TMC1: variants seen among roughly 807,000 people sequenced by gnomAD.
TMC1 encodes transmembrane channel-like protein 1.
TMC1 carries 84 observed loss-of-function variants against 105.8 expected under a neutral mutation model. That is an observed-to-expected ratio of 0.79 (90% CI 0.67 to 0.95). The LOEUF is 0.95. Ranked by LOEUF, TMC1 falls within the 40% of genes least tolerant of loss-of-function variation. The pLI is 0.00. For missense variants in TMC1, 817 were observed against 914.1 expected, an observed-to-expected ratio of 0.89 and a Z score of 1.37; for synonymous variants, 315 against 311.5, an observed-to-expected ratio of 1.01 and a Z score of -0.12.
intron 18 of TMC1, among the ~76,000 whole-genome samples, chr9:72,807,285 T>G (rs1185923423): frequency 6.6e-6 from 1 of 151,156 alleles, no homozygotes; most frequent in East Asian, 1.9e-4. Flanking sequence ...GGAGAGGGAG[T>G]AATTTTGCGC....
chr9:72,539,911 A>G (rs1285724108), intron 1 of TMC1, among the ~76,000 whole-genome samples: 4 of 152,210 alleles, frequency 2.6e-5, no homozygotes, highest in Non-Finnish European at 5.9e-5. Flanking sequence ...GCATGGTGCC[A>G]GGATTTGCTT....
chr9:72,830,299 G>A, intron 21 of TMC1, 152 bp from the exon 22 acceptor site: 1 of 665,956 alleles, frequency 1.5e-6, no homozygotes, highest in Non-Finnish European at 2.6e-6. Flanking sequence ...CTGGACCTCA[G>A]CTTTTATCTA....
chr9:72,601,191 CACAG>C (rs755906010), intron 2 of TMC1, among the ~76,000 whole-genome samples: 1,871 of 131,810 alleles, frequency 0.014, 34 homozygotes, highest in African/African-American at 0.048. Context: ...CACACACACA[CACAG>C]ACACACACAC....
At chr9:72,733,969 A>C (rs1414068075) in intron 8 of TMC1, among the ~76,000 whole-genome samples, 1 of 152,136 alleles carries the variant, frequency 6.6e-6, no homozygotes, top group Non-Finnish European at 1.5e-5. Context: ...TGGGGGCATT[A>C]TTAAGTAGAA....
chr9:72,559,249 C>G (rs1235344227), intron 1 of TMC1, among the ~76,000 whole-genome samples: 1 of 152,096 alleles, frequency 6.6e-6, no homozygotes, highest in African/African-American at 2.4e-5. Context: ...AGTGCTCCAC[C>G]AGGCCTCACT....
At chr9:72,771,776 G>C (rs565357734) in intron 12 of TMC1, among the ~76,000 whole-genome samples, 1 of 152,160 alleles carries the variant, frequency 6.6e-6, no homozygotes, top group Admixed American at 6.6e-5. Context: ...AGTTATTCAG[G>C]TGGCTTTGAG....
intron 18 of TMC1, among the ~76,000 whole-genome samples, chr9:72,811,959 T>C (rs1273362040): frequency 1.3e-5 from 2 of 152,222 alleles, no homozygotes; most frequent in Non-Finnish European, 2.9e-5. Flanking sequence ...GTTCCTACTT[T>C]ACAGTAAACT....
intron 5 of TMC1, among the ~76,000 whole-genome samples, chr9:72,650,579 G>C (rs779873928): frequency 4.0e-5 from 6 of 151,760 alleles, no homozygotes; most frequent in Non-Finnish European, 8.8e-5. Flanking sequence ...GGTTTGTTGT[G>C]CATATTATTT....
At chr9:72,628,403 T>G (rs1825387528) in intron 4 of TMC1, 1 of 199,008 alleles carries the variant, frequency 5.0e-6, no homozygotes, top group Admixed American at 5.4e-5. Flanking sequence ...GCAAAATGCC[T>G]TTTAGCTTCA....
chr9:72,698,300 A>G (rs1320311212), intron 7 of TMC1, among the ~76,000 whole-genome samples: 1 of 152,222 alleles, frequency 6.6e-6, no homozygotes, highest in Non-Finnish European at 1.5e-5. Flanking sequence ...AAGGGTTAAT[A>G]TGAATTTTTG....
In TMC1 at chr9:72,603,415, A is replaced by ACAC. The variant is rs1554714784; in HGVS notation, c.-305-12952_-305-12950dup. ...CACACACACACACACACACACACACACACACACCACACTCCACACGCACAC... is the reference window on the plus strand; with the variant it reads ...CACACACACACACACACACACACACACACCACACACCACACTCCACACGCACAC... On this transcript the variant is annotated intron_variant, in intron 2 of 23. Transcript: ENST00000297784. Among the ~76,000 whole-genome samples the ACAC allele has an allele frequency of 2.8e-3, 423 of 150,078 alleles. 3 individuals are homozygous for ACAC. The highest frequency in any genetic ancestry group is 7.1e-3 in the South Asian group (34 of 4,756).
At chr9:72,673,813 C>T (rs939580027) in intron 5 of TMC1, among the ~76,000 whole-genome samples, 2 of 152,276 alleles carry the variant, frequency 1.3e-5, no homozygotes, top group African/African-American at 4.8e-5. Context: ...CAAGCTCTGA[C>T]TGTTTCCCTA....
At chr9:72,825,731 T>C (rs983630724) in intron 20 of TMC1, among the ~76,000 whole-genome samples, 2 of 152,210 alleles carry the variant, frequency 1.3e-5, no homozygotes, top group East Asian at 3.9e-4. Flanking sequence ...GTATGAACAA[T>C]TTGGAATGGT....
chr9:72,821,003 T>C lies in TMC1; in HGVS notation c.1925T>C (p.Leu642Pro). 1 of 1,614,184 alleles carries C rather than the reference T, an allele frequency of 6.2e-7. No individual in the cohort carries two copies. Among genetic ancestry groups the C allele is most frequent in the Non-Finnish European group, 8.5e-7 (1 of 1,180,008 alleles). The change falls in exon 20 of 24, where the codon CTC becomes CCC. Residue 642 changes from leucine (L) to proline (P), a missense_variant. Leu to Pro is a moderately conservative substitution (Grantham distance 98, BLOSUM62 -3). Coordinates refer to ENST00000297784, the MANE Select transcript of TMC1 (RefSeq NM_138691.3). ...AACTTCTACCTGGGCATGCTACTGCTCATCCTCTTCCTGTCCACAATGCCT... is the reference window on the plus strand; with the variant it reads ...AACTTCTACCTGGGCATGCTACTGCCCATCCTCTTCCTGTCCACAATGCCT... ...SNNFYLGMLL[L>P]ILFLSTMPVL...
At chr9:72,555,822 CATA>C (rs1823927231) in intron 1 of TMC1, among the ~76,000 whole-genome samples, 1 of 150,734 alleles carries the variant, frequency 6.6e-6, no homozygotes, top group African/African-American at 2.4e-5. Flanking sequence ...GGGGTTTCAC[CATA>C]TTCCCCAGGC....
intron 1 of TMC1, among the ~76,000 whole-genome samples, chr9:72,537,981 C>T (rs996573085): frequency 2.0e-5 from 3 of 151,810 alleles, no homozygotes; most frequent in Admixed American, 6.6e-5. Context: ...CATGATGAGA[C>T]CCTGTCTTTC....
Position 72,726,513 on chromosome 9 carries a change from G to A in TMC1, c.363-13606G>A, listed in dbSNP as rs542702099. Reference sequence around the variant, plus strand: ...GCAGAAAGGCCAGTTCACATAGGAAGATGGTGTCCTCTGAGGGTGCACTTA... The same window carrying A: ...GCAGAAAGGCCAGTTCACATAGGAAAATGGTGTCCTCTGAGGGTGCACTTA... On this transcript the variant is annotated intron_variant, in intron 8 of 23. Coordinates refer to ENST00000297784, the MANE Select transcript of TMC1 (RefSeq NM_138691.3). 1.8e-4 allele frequency among the ~76,000 whole-genome samples: 27 copies of A among 152,318 alleles called. 1 individual carries two copies. The highest frequency in any genetic ancestry group is 6.3e-4 in the African/African-American group (26 of 41,574).
Position 72,597,902 on chromosome 9 carries a change from A to G in TMC1, c.-305-18466A>G, listed in dbSNP as rs17057963. 2.3e-3 allele frequency among the ~76,000 whole-genome samples: 351 copies of G among 152,060 alleles called. 9 individuals carry two copies. The East Asian group carries it at 0.05, about 22-fold the overall frequency. On this transcript the variant is annotated intron_variant, in intron 2 of 23. Coordinates refer to ENST00000297784, the MANE Select transcript of TMC1 (RefSeq NM_138691.3). ...TTCATTCCATAACCTCACATCTCCTATGCCAGTTCCCTTCTCTGTGCTCCA... is the reference window on the plus strand; with the variant it reads ...TTCATTCCATAACCTCACATCTCCTGTGCCAGTTCCCTTCTCTGTGCTCCA...
chr9:72,536,123 C>T (rs1356438679), intron 1 of TMC1, among the ~76,000 whole-genome samples: 1 of 152,172 alleles, frequency 6.6e-6, no homozygotes, highest in Non-Finnish European at 1.5e-5. Flanking sequence ...CTTGTTCCAG[C>T]ATAAACTCAA....
Sources: allele counts gnomAD v4.1 joint callset (sites outside exome capture counted in the v4.1 genomes callset), GRCh38; gene constraint gnomAD v4.1.1; transcripts MANE v1.5; gene names NCBI Gene and HGNC (gene_info 2026-07-23, HGNC 2026-07-21).